The following TIAM1 variants were observed in gnomAD, a reference collection of about 807,000 sequenced individuals.
TIAM1 encodes rho guanine nucleotide exchange factor TIAM1.
Under a neutral mutation model 163.5 loss-of-function variants are expected in TIAM1, and 65 were observed. That is an observed-to-expected ratio of 0.40 (90% CI 0.33 to 0.49). The LOEUF is 0.49. Ranked by LOEUF, TIAM1 falls within the 20% of genes least tolerant of loss-of-function variation. TIAM1 has a pLI of 0.77. For missense variants in TIAM1, 1,789 were observed against 2,044.7 expected (o/e 0.87, Z 2.41); for synonymous variants, 833 against 810.1 (o/e 1.03, Z -0.48).
chr21:31,219,166 AATCT>A (rs2087404875), intron 8 of TIAM1, among the ~76,000 whole-genome samples: 1 of 151,564 alleles, frequency 6.6e-6, no homozygotes, highest in South Asian at 2.1e-4. Flanking sequence ...GCTCAAGTAG[AATCT>A]CCACAAGGAC....
intron 15 of TIAM1, among the ~76,000 whole-genome samples, chr21:31,167,252 C>T (rs369140462): frequency 3.3e-5 from 5 of 151,956 alleles, no homozygotes; most frequent in East Asian, 3.9e-4. Flanking sequence ...CCACCATGTC[C>T]GGCTAACTTT....
At position 31,513,801 on chromosome 21, in the gene TIAM1, A is replaced by G. The variant is rs538692028; in HGVS notation, c.-422+45126T>C. Reference sequence around the variant, plus strand: ...GGCGGGTGGATCACCTGAGGTCAGGAGTTCAAGACCAGCCTGGCCAACATA... The same window carrying G: ...GGCGGGTGGATCACCTGAGGTCAGGGGTTCAAGACCAGCCTGGCCAACATA... On this transcript the variant is annotated intron_variant, in intron 1 of 28. Transcript: ENST00000286827. Among the ~76,000 whole-genome samples the G allele has an allele frequency of 3.3e-3, 497 of 152,274 alleles. 1 individual carries two copies. The highest frequency in any genetic ancestry group is 5.8e-3 in the Non-Finnish European group (394 of 68,020).
chr21:31,344,108 G>C (rs1397065488), intron 1 of TIAM1, 30 bp downstream of exon 1: 20 of 152,272 alleles, frequency 1.3e-4, no homozygotes, highest in Admixed American at 1.3e-3. Flanking sequence ...TTCGCCGGTG[G>C]AAAGAATCGA....
chr21:31,327,835 T>G lies in TIAM1; in HGVS notation c.-189+11408A>C, dbSNP rs149312135. Among the ~76,000 whole-genome samples the G allele has an allele frequency of 3.7e-3, 570 of 152,050 alleles. 3 individuals carry two copies. Among genetic ancestry groups the G allele is most frequent in the African/African-American group, 0.013 (540 of 41,450 alleles). On this transcript the variant is annotated intron_variant, in intron 2 of 27. Transcript: ENST00000541036. Reference sequence around the variant, plus strand: ...ACTGAGAACCATGGTCCACATGAAATGGTGCGTAGTCTCCTCCCAACGCAG... The same window carrying G: ...ACTGAGAACCATGGTCCACATGAAAGGGTGCGTAGTCTCCTCCCAACGCAG...
At chr21:31,278,950 G>A (rs1181032505) in intron 2 of TIAM1, among the ~76,000 whole-genome samples, 1 of 152,140 alleles carries the variant, frequency 6.6e-6, no homozygotes, top group Non-Finnish European at 1.5e-5. Context: ...GGTGCCAGCT[G>A]CCAATAATTT....
intron 2 of TIAM1, among the ~76,000 whole-genome samples, chr21:31,382,338 C>T (rs763435674): frequency 5.3e-5 from 8 of 152,118 alleles, no homozygotes; most frequent in Non-Finnish European, 7.3e-5. Flanking sequence ...AGATTTACGC[C>T]GTGTCTAGAA....
At chr21:31,433,958 C>T (rs546984866) in intron 2 of TIAM1, among the ~76,000 whole-genome samples, 2 of 152,116 alleles carry the variant, frequency 1.3e-5, no homozygotes, top group East Asian at 1.9e-4. Flanking sequence ...CCACCACACC[C>T]GGCTAATTTT....
At chr21:31,277,263 T>C (rs188302947) in intron 2 of TIAM1, among the ~76,000 whole-genome samples, 369 of 152,334 alleles carry the variant, frequency 2.4e-3, no homozygotes, top group African/African-American at 8.4e-3. Context: ...GAGTGACCTC[T>C]GGTCATCCTC....
At chr21:31,517,852 T>C (rs2047436023) in intron 1 of TIAM1, among the ~76,000 whole-genome samples, 1 of 152,152 alleles carries the variant, frequency 6.6e-6, no homozygotes, top group East Asian at 1.9e-4. Context: ...ACAAACCTTG[T>C]TAAACTAACC....
At chr21:31,269,890 C>G (rs113399905) in intron 3 of TIAM1, among the ~76,000 whole-genome samples, 7,858 of 152,170 alleles carry the variant, frequency 0.052, 484 homozygotes, top group African/African-American at 0.15. Flanking sequence ...CCAGGATGGT[C>G]TCAATCTCCT....
At chr21:31,260,751 G>A (rs1350135170) in intron 4 of TIAM1, among the ~76,000 whole-genome samples, 2 of 144,522 alleles carry the variant, frequency 1.4e-5, no homozygotes, top group Admixed American at 6.8e-5. Context: ...AAAAAAAAAA[G>A]GGTGTTTTAA....
At chr21:31,380,144 A>G (rs1276578633) in intron 2 of TIAM1, among the ~76,000 whole-genome samples, 3 of 151,920 alleles carry the variant, frequency 2.0e-5, no homozygotes, top group African/African-American at 7.3e-5. Flanking sequence ...CACACCTGTA[A>G]TCTCAGCTAC....
chr21:31,370,308 A>T (rs2076574239), intron 2 of TIAM1, among the ~76,000 whole-genome samples: 1 of 152,230 alleles, frequency 6.6e-6, no homozygotes, highest in African/African-American at 2.4e-5. Context: ...TATGCCTGAT[A>T]ATATTGAGAT....
At chr21:31,434,449 G>A (rs562023360) in intron 2 of TIAM1, among the ~76,000 whole-genome samples, 1 of 152,308 alleles carries the variant, frequency 6.6e-6, no homozygotes, top group African/African-American at 2.4e-5. Flanking sequence ...AGATAACCAT[G>A]CCACCATTTG....
chr21:31,344,293 T>C (rs545049059), upstream of TIAM1: 298 of 152,376 alleles, frequency 2.0e-3, 1 homozygote, highest in Non-Finnish European at 3.5e-3. Flanking sequence ...TCTGGTCACT[T>C]GGGTGTGTTG....
intron 2 of TIAM1, among the ~76,000 whole-genome samples, chr21:31,357,140 G>A (rs1032381381): frequency 3.3e-5 from 5 of 152,146 alleles, no homozygotes; most frequent in Admixed American, 3.3e-4. Flanking sequence ...ACAGCTGACT[G>A]TGGCTAGAGA....
intron 15 of TIAM1, among the ~76,000 whole-genome samples, chr21:31,176,871 C>T (rs968702556): frequency 6.6e-6 from 1 of 151,964 alleles, no homozygotes; most frequent in African/African-American, 2.4e-5. Flanking sequence ...AGACCCAGAC[C>T]CCATCCCACA....
At chr21:31,460,265 T>C (rs2147347063) in intron 2 of TIAM1, among the ~76,000 whole-genome samples, 1 of 152,196 alleles carries the variant, frequency 6.6e-6, no homozygotes, top group East Asian at 1.9e-4. Flanking sequence ...TCTTCTACCA[T>C]CTCCTTCGAC....
At chr21:31,213,340 T>G (rs1159764459) in intron 10 of TIAM1, 58 bp downstream of exon 10, 1 of 1,430,276 alleles carries the variant, frequency 7.0e-7, no homozygotes, top group Non-Finnish European at 9.7e-7. Flanking sequence ...CACTGCACCA[T>G]GTATATGTTG....
Sources: allele counts gnomAD v4.1 joint callset (sites outside exome capture counted in the v4.1 genomes callset), GRCh38; gene constraint gnomAD v4.1.1; transcripts MANE v1.5; gene names NCBI Gene and HGNC (gene_info 2026-07-23, HGNC 2026-07-21).